The following AGBL4 variants were observed in gnomAD, a reference collection of about 807,000 sequenced individuals.
The protein encoded by AGBL4 is AGBL carboxypeptidase 4.
Under a neutral mutation model 66.4 loss-of-function variants are expected in AGBL4, and 58 were observed. The observed-to-expected ratio is 0.87, with a 90% CI of 0.71 to 1.09. AGBL4 has a LOEUF of 1.09. Ranked by LOEUF, AGBL4 falls within the 50% of genes least tolerant of loss-of-function variation. The probability of loss-of-function intolerance (pLI) is 0.00; values close to 1 mark genes in which losing one functional copy is unlikely to be tolerated. For missense variants in AGBL4, 579 were observed against 631.0 expected, an observed-to-expected ratio of 0.92 and a Z score of 0.88; for synonymous variants, 234 against 222.9, an observed-to-expected ratio of 1.05 and a Z score of -0.44.
chr1:48,893,574 A>G (rs1163865574), intron 5 of AGBL4, among the ~76,000 whole-genome samples: 2 of 151,840 alleles, frequency 1.3e-5, no homozygotes, highest in Admixed American at 6.6e-5. Flanking sequence ...AGTCCCAGCT[A>G]CTCGGGAGGC....
At chr1:48,942,151 TCTC>T (rs1246877842) in intron 5 of AGBL4, among the ~76,000 whole-genome samples, 1 of 152,076 alleles carries the variant, frequency 6.6e-6, no homozygotes, top group Admixed American at 6.6e-5. Context: ...GGATGACAAA[TCTC>T]CTGCTCCTTG....
At chr1:49,916,602 G>A (rs552560805) in intron 1 of AGBL4, among the ~76,000 whole-genome samples, 41 of 152,264 alleles carry the variant, frequency 2.7e-4, no homozygotes, top group Admixed American at 5.2e-4. Flanking sequence ...CCAAATCTAC[G>A]TCTGATTGGT....
chr1:48,745,221 G>A (rs907613754), intron 6 of AGBL4, among the ~76,000 whole-genome samples: 2 of 152,192 alleles, frequency 1.3e-5, no homozygotes, highest in Non-Finnish European at 2.9e-5. Flanking sequence ...GAAAGATTCT[G>A]AAGTAAAGTC....
chr1:50,009,797 A>C (rs1661395338), intron 1 of AGBL4, among the ~76,000 whole-genome samples: 1 of 152,176 alleles, frequency 6.6e-6, no homozygotes, highest in Admixed American at 6.5e-5. Flanking sequence ...ACTGATAAAC[A>C]AAGTTGCAGG....
chr1:49,999,385 T>TA (rs1433415234), intron 1 of AGBL4, among the ~76,000 whole-genome samples: 39 of 140,946 alleles, frequency 2.8e-4, no homozygotes, highest in Non-Finnish European at 3.5e-4. Flanking sequence ...GAGGTGGAGG[T>TA]AAAAATCTCT....
rs547951053 is a variant in AGBL4, at chr1:49,393,705, G to T, written c.283-147841C>A. ...TCTGAGTTAAGTTTCAAAGGAGCAA[G>T]AGTATTTTGATAGGGAATTAAGAGG... is the stretch of plus-strand genomic sequence containing the variant. On this transcript the variant is annotated intron_variant, in intron 3 of 13. Coordinates refer to ENST00000371839, the MANE Select transcript of AGBL4 (RefSeq NM_032785.4). Among the ~76,000 whole-genome samples the T allele has an allele frequency of 3.3e-4, 50 of 152,316 alleles. No homozygotes were observed. The South Asian group carries it at 0.01, about 31-fold the overall frequency.
At chr1:49,691,682 T>A (rs1007341781) in intron 3 of AGBL4, among the ~76,000 whole-genome samples, 1 of 152,118 alleles carries the variant, frequency 6.6e-6, no homozygotes. Flanking sequence ...GAGGATGTTG[T>A]CAAAGGAGAT....
chr1:49,948,204 A>ATGT (rs1655604744), intron 1 of AGBL4, among the ~76,000 whole-genome samples: 3 of 92,856 alleles, frequency 3.2e-5, no homozygotes, highest in Non-Finnish European at 5.7e-5. Context: ...ATATAAATAT[A>ATGT]AATATATAAA....
chr1:49,789,841 A>G (rs1290554646), intron 2 of AGBL4, among the ~76,000 whole-genome samples: 1 of 152,198 alleles, frequency 6.6e-6, no homozygotes, highest in African/African-American at 2.4e-5. Flanking sequence ...TTTACATGTC[A>G]TAAGGAACCA....
chr1:49,111,667 A>G (rs1569608285), intron 4 of AGBL4, among the ~76,000 whole-genome samples: 1 of 152,206 alleles, frequency 6.6e-6, no homozygotes, highest in East Asian at 1.9e-4. Flanking sequence ...TATGTATTTC[A>G]TTGCTTACTT....
intron 6 of AGBL4, among the ~76,000 whole-genome samples, chr1:48,716,788 C>T (rs1335557135): frequency 6.6e-6 from 1 of 152,146 alleles, no homozygotes; most frequent in East Asian, 1.9e-4. Context: ...CTGGTTAGCT[C>T]TGGGATTCTG....
chr1:49,481,120 T>C (rs1232188561), intron 3 of AGBL4, among the ~76,000 whole-genome samples: 1 of 152,124 alleles, frequency 6.6e-6, no homozygotes, highest in African/African-American at 2.4e-5. Flanking sequence ...TCGGGTTCTT[T>C]TCGGTTCCAC....
At chr1:48,988,219 AT>A (rs1660326712) in intron 5 of AGBL4, among the ~76,000 whole-genome samples, 1 of 152,118 alleles carries the variant, frequency 6.6e-6, no homozygotes, top group African/African-American at 2.4e-5. Context: ...TTTCCTACCC[AT>A]TCCATGAAGT....
At chr1:49,657,861 G>T (rs1243094841) in intron 3 of AGBL4, among the ~76,000 whole-genome samples, 1 of 152,100 alleles carries the variant, frequency 6.6e-6, no homozygotes, top group East Asian at 1.9e-4. Flanking sequence ...ATTAATTCAA[G>T]ATGGATTAAA....
intron 4 of AGBL4, among the ~76,000 whole-genome samples, chr1:49,066,012 T>G (rs955525124): frequency 6.6e-6 from 1 of 152,016 alleles, no homozygotes; most frequent in Admixed American, 6.6e-5. Flanking sequence ...ACTGAAAAAG[T>G]GTTCTGCAAG....
intron 11 of AGBL4, among the ~76,000 whole-genome samples, chr1:48,571,809 A>G (rs1644568679): frequency 6.6e-6 from 1 of 152,192 alleles, no homozygotes; most frequent in Non-Finnish European, 1.5e-5. Context: ...CCTTTCCTGT[A>G]GGACACACTG....
At chr1:49,953,307 G>C (rs1216817257) in intron 1 of AGBL4, among the ~76,000 whole-genome samples, 1 of 151,858 alleles carries the variant, frequency 6.6e-6, no homozygotes, top group Non-Finnish European at 1.5e-5. Flanking sequence ...AAATTAAACA[G>C]TTCAAGAGAT....
At chr1:48,728,312 T>G (rs1647510634) in intron 6 of AGBL4, among the ~76,000 whole-genome samples, 1 of 151,912 alleles carries the variant, frequency 6.6e-6, no homozygotes, top group African/African-American at 2.4e-5. Flanking sequence ...CCCAAGCACC[T>G]GCAGGCCCCT....
intron 4 of AGBL4, among the ~76,000 whole-genome samples, chr1:49,110,273 T>C (rs780452979): frequency 9.2e-5 from 14 of 152,152 alleles, no homozygotes; most frequent in Non-Finnish European, 7.3e-5. Context: ...ACCTACCTTA[T>C]CCAGGCCCCA....
Sources: gnomAD v4.1 joint callset for allele counts (sites outside exome capture counted in the v4.1 genomes callset) on GRCh38, gnomAD v4.1.1 for gene constraint, MANE v1.5 for transcripts, NCBI Gene and HGNC (gene_info 2026-07-23, HGNC 2026-07-21) for gene names.